Variants in PRELID2 observed in about 807,000 individuals in gnomAD.
PRELID2 encodes PRELI domain-containing protein 2.
PRELID2 carries 25 observed loss-of-function variants against 28.4 expected under a neutral mutation model. The observed-to-expected ratio is 0.88, with a 90% CI of 0.64 to 1.23. PRELID2 has a LOEUF of 1.23. Among genes scored for constraint, PRELID2 ranks in the 50% most tolerant of loss-of-function variants. PRELID2 has a pLI of 0.00. For synonymous variants in PRELID2, 76 were observed against 71.6 expected, an observed-to-expected ratio of 1.06 and a Z score of -0.31; for missense variants, 201 against 214.4, an observed-to-expected ratio of 0.94 and a Z score of 0.39.
intron 1 of PRELID2, among the ~76,000 whole-genome samples, chr5:145,489,217 T>C (rs900596049): frequency 6.6e-6 from 1 of 152,168 alleles, no homozygotes; most frequent in Non-Finnish European, 1.5e-5. Context: ...TTGGCTTTAA[T>C]TGGCCAGAGT....
chr5:145,612,755 C>T (rs1331785274), intron 1 of PRELID2, among the ~76,000 whole-genome samples: 1 of 152,170 alleles, frequency 6.6e-6, no homozygotes, highest in Non-Finnish European at 1.5e-5. Flanking sequence ...ATAATAGTCT[C>T]CAACTCATCC....
chr5:145,813,917 G>C (rs1297535038), intron 4 of PRELID2, among the ~76,000 whole-genome samples: 1 of 152,186 alleles, frequency 6.6e-6, no homozygotes, highest in Non-Finnish European at 1.5e-5. Flanking sequence ...AACAGAATAA[G>C]TGGGAAAATA....
chr5:145,524,817 C>T (rs995455806), intron 1 of PRELID2, among the ~76,000 whole-genome samples: 2 of 152,184 alleles, frequency 1.3e-5, no homozygotes, highest in African/African-American at 2.4e-5. Flanking sequence ...GGCTGTGGAA[C>T]AAGGTGGCTG....
chr5:145,564,917 G>C (rs1321382452), intron 1 of PRELID2, among the ~76,000 whole-genome samples: 1 of 152,096 alleles, frequency 6.6e-6, no homozygotes, highest in Non-Finnish European at 1.5e-5. Context: ...AACCCTTCAG[G>C]CTTCCTGCGC....
the PRELID2 span, among the ~76,000 whole-genome samples, chr5:145,384,113 C>T: frequency 1.3e-5 from 2 of 152,022 alleles, no homozygotes; most frequent in South Asian, 4.1e-4. Flanking sequence ...CAATGATGCA[C>T]CATTTTAAAC....
At chr5:145,591,418 T>C (rs982430617) in intron 1 of PRELID2, among the ~76,000 whole-genome samples, 6 of 152,194 alleles carry the variant, frequency 3.9e-5, no homozygotes, top group African/African-American at 1.4e-4. Context: ...AAATTTTTAA[T>C]ATTTTTCTAC....
intron 1 of PRELID2, among the ~76,000 whole-genome samples, chr5:145,599,146 A>G (rs1753352616): frequency 6.6e-6 from 1 of 151,994 alleles, no homozygotes; most frequent in Non-Finnish European, 1.5e-5. Flanking sequence ...AATTGCTGCC[A>G]TAAATCTACA....
intron 5 of PRELID2, 22 bp from the exon 6 acceptor site, chr5:145,765,022 A>G (rs779160668): frequency 1.3e-6 from 2 of 1,529,538 alleles, no homozygotes; most frequent in East Asian, 4.6e-5. Flanking sequence ...AGGAAAAAAA[A>G]TTAAAATGCC....
In PRELID2 at chr5:145,811,962, G is replaced by A. The variant is rs148590732; in HGVS notation, c.368+5932C>T. On this transcript the variant is annotated intron_variant, in intron 4 of 6. Transcript: ENST00000683046. The stretch of plus-strand genomic sequence containing the variant: ...CTTCTACTATGTCCCAATTATTTCT[G>A]TTCAGGTGCCTACCCATCCCCCATG... 4.8e-3 allele frequency among the ~76,000 whole-genome samples: 733 copies of A among 152,284 alleles called. 4 individuals carry two copies. Among genetic ancestry groups the A allele is most frequent in the Non-Finnish European group, 7.2e-3 (489 of 68,026 alleles).
At chr5:145,410,205 A>G in the PRELID2 span, among the ~76,000 whole-genome samples, 2 of 152,232 alleles carry the variant, frequency 1.3e-5, no homozygotes, top group African/African-American at 4.8e-5. Flanking sequence ...AACCATAAAA[A>G]TTCTAGAAAA....
the PRELID2 span, among the ~76,000 whole-genome samples, chr5:145,355,311 C>T: frequency 1.3e-5 from 2 of 152,002 alleles, no homozygotes; most frequent in East Asian, 1.9e-4. Flanking sequence ...TTACAGTAAG[C>T]TCATGTGTAA....
chr5:145,245,456 A>C, the PRELID2 span, among the ~76,000 whole-genome samples: 17 of 152,170 alleles, frequency 1.1e-4, no homozygotes, highest in East Asian at 1.9e-3. Context: ...TATCCAAAAA[A>C]CATTACACTT....
At chr5:145,710,882 A>C (rs1366724734) in intron 1 of PRELID2, among the ~76,000 whole-genome samples, 1 of 152,252 alleles carries the variant, frequency 6.6e-6, no homozygotes, top group African/African-American at 2.4e-5. Context: ...ACCTCTCTGC[A>C]AGGGAGGTTG....
At chr5:145,246,938 G>A in the PRELID2 span, among the ~76,000 whole-genome samples, 35 of 152,126 alleles carry the variant, frequency 2.3e-4, no homozygotes, top group Non-Finnish European at 3.7e-4. Flanking sequence ...GTCTGCCTTT[G>A]CAGGACTAAC....
chr5:145,690,567 T>A (rs1005626842), intron 1 of PRELID2, among the ~76,000 whole-genome samples: 1 of 152,126 alleles, frequency 6.6e-6, no homozygotes, highest in Admixed American at 6.5e-5. Context: ...GGATGCTACA[T>A]CAACATGGAG....
chr5:145,307,776 C>T, the PRELID2 span, among the ~76,000 whole-genome samples: 1 of 151,900 alleles, frequency 6.6e-6, no homozygotes, highest in African/African-American at 2.4e-5. Context: ...GCCATAAAAG[C>T]AAGACCATTG....
intron 1 of PRELID2, among the ~76,000 whole-genome samples, chr5:145,487,980 C>T (rs912517439): frequency 7.3e-5 from 11 of 151,462 alleles, no homozygotes; most frequent in East Asian, 2.0e-4. Context: ...AAAAATTAGC[C>T]GGGCGTGATG....
At chr5:145,280,306 A>T in the PRELID2 span, among the ~76,000 whole-genome samples, 2 of 152,204 alleles carry the variant, frequency 1.3e-5, no homozygotes, top group Non-Finnish European at 2.9e-5. Flanking sequence ...GGGCTAGAAG[A>T]TAAATGTGAC....
At chr5:145,740,380 T>G (rs1308894862) in intron 1 of PRELID2, among the ~76,000 whole-genome samples, 1 of 132,482 alleles carries the variant, frequency 7.5e-6, no homozygotes, top group Non-Finnish European at 1.6e-5. Context: ...CAAAAATTTA[T>G]AGAACTGAAA....
Sources: gnomAD v4.1 joint callset for allele counts (sites outside exome capture counted in the v4.1 genomes callset) on GRCh38, gnomAD v4.1.1 for gene constraint, MANE v1.5 for transcripts, NCBI Gene and HGNC (gene_info 2026-07-23, HGNC 2026-07-21) for gene names.